The following FAP variants were observed in gnomAD, a reference collection of about 807,000 sequenced individuals.
FAP encodes the protein prolyl endopeptidase FAP.
In FAP, 110 loss-of-function variants were observed where a neutral mutation model predicts 126.5. The observed-to-expected ratio is 0.87, with a 90% CI of 0.74 to 1.02. FAP has a LOEUF of 1.02. FAP is among the 50% of genes least tolerant of loss of function. FAP has a pLI of 0.00. For missense variants in FAP, 919 were observed against 909.2 expected (o/e 1.01, Z -0.14); for synonymous variants, 334 against 297.3 (o/e 1.12, Z -1.27).
In FAP at chr2:162,174,959, C is replaced by T; in HGVS notation, c.1877G>A (p.Gly626Glu). The T allele has an allele frequency of 4.3e-6, 7 of 1,610,054 alleles. No individual in the cohort carries two copies. The highest frequency in any genetic ancestry group is 5.9e-6 in the Non-Finnish European group (7 of 1,176,736). The change falls in exon 22 of 26, where the codon GGA (glycine) becomes GAA (glutamate). Residue 626 changes from glycine to glutamate, a missense_variant. Transcript: ENST00000188790. Reference protein sequence around the residue: ...KRIAIWGWSYGGYVSSLALAS... With the variant: ...KRIAIWGWSYEGYVSSLALAS... ...AAGGGCCAGTGATGAAACGTATCCT[C>T]CATAGGACTGTAGAGACATTGTTAT...
At chr2:162,200,834 C>A (rs917505336) in intron 14 of FAP, among the ~76,000 whole-genome samples, 2 of 152,088 alleles carry the variant, frequency 1.3e-5, no homozygotes, top group African/African-American at 4.8e-5. Flanking sequence ...ATGCTGAATA[C>A]TGTTTTTATT....
At chr2:162,223,011 G>A (rs1211958362) in intron 6 of FAP, among the ~76,000 whole-genome samples, 1 of 151,820 alleles carries the variant, frequency 6.6e-6, no homozygotes, top group Non-Finnish European at 1.5e-5. Context: ...CTTTTAAATG[G>A]TAAATGTTTC....
chr2:162,219,753 ATT>A, intron 7 of FAP, 98 bp downstream of exon 7: 1 of 784,918 alleles, frequency 1.3e-6, no homozygotes, highest in Non-Finnish European at 2.2e-6. Flanking sequence ...TCATGAATGT[ATT>A]TTTTTTTCTT....
chr2:162,213,688 A>T (rs1045915240), intron 11 of FAP, among the ~76,000 whole-genome samples: 1 of 152,090 alleles, frequency 6.6e-6, no homozygotes, highest in Non-Finnish European at 1.5e-5. Flanking sequence ...GATTTTCCCA[A>T]TGTCATGTTG....
chr2:162,172,754 C>A lies in FAP; in HGVS notation c.2181+57G>T, dbSNP rs748385683. On this transcript the variant is annotated intron_variant, in intron 25 of 25. Coordinates refer to ENST00000188790, the MANE Select transcript of FAP (RefSeq NM_004460.5). ...GTTAAAAAAAATAAAAATATGAACCCCTCCTTTTAGCTTGAGGGTCTAAGG... is the reference window on the plus strand; with the variant it reads ...GTTAAAAAAAATAAAAATATGAACCACTCCTTTTAGCTTGAGGGTCTAAGG... The A allele has an allele frequency of 6.3e-5, 72 of 1,140,790 alleles. No homozygotes were observed. The East Asian group carries it at 1.6e-3, about 25-fold the overall frequency. The allele number at this position is 1,140,790 out of a possible 1,614,324, so 70.7% of individuals were successfully genotyped here. A position where few individuals can be genotyped will look rare whatever the true frequency, so the allele number is the denominator to read the frequency against.
intron 20 of FAP, among the ~76,000 whole-genome samples, chr2:162,185,978 C>G (rs1361521297): frequency 6.6e-5 from 10 of 152,078 alleles, no homozygotes; most frequent in Non-Finnish European, 1.5e-4. Context: ...AAGCAAAAAC[C>G]AAGGCCAGCT....
intron 6 of FAP, among the ~76,000 whole-genome samples, chr2:162,220,666 T>G (rs1015810207): frequency 2.0e-5 from 3 of 152,174 alleles, no homozygotes; most frequent in Non-Finnish European, 4.4e-5. Context: ...TTTCAAATAG[T>G]CTATTGGCCA....
chr2:162,197,483 A>G (rs751521070), intron 16 of FAP: 1 of 448,194 alleles, frequency 2.2e-6, no homozygotes, highest in Non-Finnish European at 4.5e-6. Flanking sequence ...AACCACAATC[A>G]GCACATATGG....
At chr2:162,204,573 C>CTG (rs1231564892) in intron 12 of FAP, among the ~76,000 whole-genome samples, 2 of 152,114 alleles carry the variant, frequency 1.3e-5, no homozygotes, top group Non-Finnish European at 2.9e-5. Flanking sequence ...AGTGATACGG[C>CTG]TGTTAAACAA....
intron 2 of FAP, among the ~76,000 whole-genome samples, chr2:162,235,035 G>A (rs1290303349): frequency 2.0e-5 from 3 of 152,126 alleles, no homozygotes; most frequent in Non-Finnish European, 2.9e-5. Context: ...CTGGCCCACC[G>A]AGGCTGCCCT....
At chr2:162,206,764 C>T (rs1435864196) in intron 12 of FAP, among the ~76,000 whole-genome samples, 1 of 151,912 alleles carries the variant, frequency 6.6e-6, no homozygotes, top group East Asian at 1.9e-4. Context: ...CTGATTAATA[C>T]CAAAAAAGAA....
chr2:162,182,918 C>T (rs1443280497), intron 21 of FAP, among the ~76,000 whole-genome samples: 12 of 152,012 alleles, frequency 7.9e-5, no homozygotes, highest in Admixed American at 1.3e-4. Flanking sequence ...TTAGCACAAA[C>T]GAACATTCGG....
intron 2 of FAP, among the ~76,000 whole-genome samples, chr2:162,237,336 A>G (rs1361929717): frequency 1.3e-5 from 2 of 152,184 alleles, no homozygotes; most frequent in Non-Finnish European, 2.9e-5. Flanking sequence ...CGTCATCTAC[A>G]TTAGGTATTT....
At chr2:162,237,150 TAA>T (rs756775459) in intron 2 of FAP, among the ~76,000 whole-genome samples, 7 of 152,146 alleles carry the variant, frequency 4.6e-5, no homozygotes, top group Admixed American at 2.0e-4. Context: ...CAATGAGAAA[TAA>T]AAAGAGACTG....
chr2:162,217,324 T>C (rs1559785209), intron 9 of FAP, among the ~76,000 whole-genome samples: 1 of 152,196 alleles, frequency 6.6e-6, no homozygotes. Flanking sequence ...TTTGATTCCA[T>C]TTTTTCTGAT....
chr2:162,215,661 A>G (rs1689133141), intron 10 of FAP, among the ~76,000 whole-genome samples: 1 of 152,192 alleles, frequency 6.6e-6, no homozygotes, highest in South Asian at 2.1e-4. Flanking sequence ...TCCCAAGTTC[A>G]CATCTGTACA....
intron 12 of FAP, among the ~76,000 whole-genome samples, chr2:162,207,583 G>T (rs1688753773): frequency 6.6e-6 from 1 of 152,116 alleles, no homozygotes; most frequent in Non-Finnish European, 1.5e-5. Flanking sequence ...TCAACTGAGG[G>T]TATTTTTTTA....
chr2:162,224,682 A>G (rs968312075), intron 4 of FAP, 142 bp from the exon 5 acceptor site: 4 of 519,280 alleles, frequency 7.7e-6, no homozygotes, highest in Non-Finnish European at 1.0e-5. Context: ...TATTTTGTGG[A>G]ACTTAACTAT....
chr2:162,196,732 C>A (rs1688268483), intron 16 of FAP, among the ~76,000 whole-genome samples: 1 of 152,090 alleles, frequency 6.6e-6, no homozygotes, highest in Non-Finnish European at 1.5e-5. Context: ...TTTGAAGTTA[C>A]ATAATGAGGC....
Sources: allele counts gnomAD v4.1 joint callset (sites outside exome capture counted in the v4.1 genomes callset), GRCh38; gene constraint gnomAD v4.1.1; transcripts MANE v1.5; gene names NCBI Gene and HGNC (gene_info 2026-07-23, HGNC 2026-07-21).